RYR1: variants seen among roughly 807,000 people sequenced by gnomAD.
RYR1 encodes the protein ryanodine receptor 1.
Under a neutral mutation model 583.5 loss-of-function variants are expected in RYR1, and 342 were observed. That is an observed-to-expected ratio of 0.59 (90% CI 0.54 to 0.64). The LOEUF is 0.64. Ranked by LOEUF, RYR1 falls within the 30% of genes least tolerant of loss-of-function variation. RYR1 has a pLI of 0.00. For synonymous variants in RYR1, 2,791 were observed against 2,822.5 expected (o/e 0.99, Z 0.35); for missense variants, 6,032 against 6,917.2 (o/e 0.87, Z 4.54).
intron 94 of RYR1, 131 bp downstream of exon 94, chr19:38,570,824 G>A (rs1254401537): frequency 1.3e-6 from 1 of 791,856 alleles, no homozygotes; most frequent in African/African-American, 1.7e-5. Flanking sequence ...CGTTAGGAGG[G>A]TTCAGGCTGG....
chr19:38,502,573 C>G lies in RYR1; in HGVS notation c.7681C>G (p.Leu2561Val). 3.7e-6 allele frequency: 6 copies of G among 1,612,406 alleles called. No individual in the cohort carries two copies. The highest frequency in any genetic ancestry group is 5.1e-6 in the Non-Finnish European group (6 of 1,179,924). The change falls in exon 48 of 106, where the codon CTC becomes GTC. Residue 2561 changes from leucine to valine, a missense_variant. Leu to Val is a conservative substitution (Grantham distance 32). Around this residue, in one of 11 missense-constraint regions of RYR1, gnomAD observed 250 missense variants for 162.3 expected, o/e 1.54. Transcript: ENST00000359596. ...NRYLCLAVLP[L>V]ITKCAPLFAG... ...CTACCTGTGCCTGGCCGTGCTGCCGCTCATCACCAAGTGTGCGCCGCTCTT... is the reference window on the plus strand; with the variant it reads ...CTACCTGTGCCTGGCCGTGCTGCCGGTCATCACCAAGTGTGCGCCGCTCTT...
Position 38,572,131 on chromosome 19 carries a change from C to G in RYR1, c.13859C>G (p.Ala4620Gly), listed in dbSNP as rs1973743080. 1 of 1,613,556 alleles carries G rather than the reference C, an allele frequency of 6.2e-7. No homozygotes were observed. Among genetic ancestry groups the G allele is most frequent in the Non-Finnish European group, 8.5e-7 (1 of 1,179,926 alleles). The change falls in exon 95 of 106, where the codon GCA (alanine) becomes GGA (glycine). Residue 4620 changes from alanine to glycine, a missense_variant. By Grantham distance (60) the Ala-to-Gly change is moderately conservative. Around this residue, in one of 11 missense-constraint regions of RYR1, gnomAD observed 188 missense variants for 215.6 expected, o/e 0.87. Transcript: ENST00000359596. ...SGWGLGAGEEAEGDEDENMVY... is the reference protein window; with the variant it reads ...SGWGLGAGEEGEGDEDENMVY... ...TGGGGCTTGGGGGCCGGAGAGGAGG[C>G]AGAGGGCGATGAGGATGAGAACATG...
At chr19:38,505,216 C>T (rs893846097) in intron 52 of RYR1, 93 bp from the exon 53 acceptor site, 2 of 1,164,912 alleles carry the variant, frequency 1.7e-6, no homozygotes, top group Non-Finnish European at 2.5e-6. Flanking sequence ...TTCTGGGACC[C>T]CCCCAGGATT....
At chr19:38,470,604 G>T (rs28465366) in intron 27 of RYR1, among the ~76,000 whole-genome samples, 1 of 152,074 alleles carries the variant, frequency 6.6e-6, no homozygotes, top group African/African-American at 2.4e-5. Flanking sequence ...AATTAATGGC[G>T]TGGTGGCGGG....
In RYR1 at chr19:38,478,462, G is replaced by A. The variant is rs540264243; in HGVS notation, c.4482G>A (p.Val1494=). 3.7e-6 allele frequency: 6 copies of A among 1,614,006 alleles called. No individual in the cohort carries two copies. The South Asian group carries it at 4.4e-5, about 12-fold the overall frequency. Residue 1494 remains valine (V), a synonymous_variant, in exon 31 of 106, where the codon GTG becomes GTA. Coordinates refer to ENST00000359596, the MANE Select transcript of RYR1 (RefSeq NM_000540.3). ...SSLKCSNCYM[V]WGGDFVSPGQ... ...TCAAGTGTAGCAACTGCTACATGGT[G>A]TGGGGCGGAGACTTTGTGAGTCCCG...
In RYR1 at chr19:38,548,352, G is replaced by T. The variant is rs752929502; in HGVS notation, c.12214G>T (p.Gly4072Cys). 1 of 1,614,134 alleles carries T rather than the reference G, an allele frequency of 6.2e-7. No individual in the cohort carries two copies. Among genetic ancestry groups the T allele is most frequent in the Non-Finnish European group, 8.5e-7 (1 of 1,180,024 alleles). ...DMFLKLKDIV[G>C]SEAFQDYVTD... ...GTTCCTGAAACTCAAGGACATTGTG[G>T]GCTCTGAAGCCTTCCAGGACTACGT... The change falls in exon 89 of 106, where the codon GGC becomes TGC. Residue 4072 changes from glycine (G) to cysteine (C), a missense_variant. By Grantham distance (159) the Gly-to-Cys change is radical. Transcript: ENST00000359596.
intron 16 of RYR1, among the ~76,000 whole-genome samples, chr19:38,456,618 A>G (rs1429147133): frequency 6.6e-6 from 1 of 152,036 alleles, no homozygotes; most frequent in Non-Finnish European, 1.5e-5. Flanking sequence ...TTCAAATATT[A>G]CAGCCTCTAG....
intron 89 of RYR1, among the ~76,000 whole-genome samples, chr19:38,560,166 C>T (rs1363869922): frequency 6.6e-6 from 1 of 151,986 alleles, no homozygotes; most frequent in Non-Finnish European, 1.5e-5. Flanking sequence ...GAGTTTGGGA[C>T]AAGCCTGGGC....
intron 3 of RYR1, among the ~76,000 whole-genome samples, 198 bp downstream of exon 3, chr19:38,442,651 C>T (rs1217826895): frequency 6.6e-6 from 1 of 152,128 alleles, no homozygotes; most frequent in Admixed American, 6.5e-5. Flanking sequence ...TGTCACCTGT[C>T]CTTCCACCCC....
At position 38,505,015 on chromosome 19, in the gene RYR1, G is replaced by A. The variant is rs749048565; in HGVS notation, c.8244G>A (p.Pro2748=). The A allele has an allele frequency of 9.9e-6, 16 of 1,614,002 alleles. No homozygotes were observed. Among genetic ancestry groups the A allele is most frequent in the Middle Eastern group, 1.6e-4 (1 of 6,084 alleles). The change falls in exon 52 of 106, where the codon CCG becomes CCA. Residue 2748 remains proline (P), a synonymous_variant. Coordinates refer to ENST00000359596, the MANE Select transcript of RYR1 (RefSeq NM_000540.3). ...RPVETLNVII[P]EKLDSFINKF... ...GTGCCCCCAACAGTGTGATCATCCC[G>A]GAGAAGCTGGACTCCTTCATTAACA...
At chr19:38,522,190 A>G (rs1384043283) in intron 67 of RYR1, among the ~76,000 whole-genome samples, 2 of 152,074 alleles carry the variant, frequency 1.3e-5, no homozygotes, top group African/African-American at 4.8e-5. Flanking sequence ...CACCAGGTTG[A>G]TATTTCTTAA....
chr19:38,504,667 T>C (rs1970357081), intron 50 of RYR1, 81 bp from the exon 51 acceptor site: 2 of 1,568,742 alleles, frequency 1.3e-6, no homozygotes, highest in Admixed American at 3.3e-5. Context: ...GGGCTGATGA[T>C]TGCAGTGTGT....
Position 38,440,802 on chromosome 19 carries a change from T to C in RYR1, c.103T>C (p.Cys35Arg), listed in dbSNP as rs193922747. Residue 35 changes from cysteine to arginine, a missense_variant, in exon 2 of 106, where the codon TGC becomes CGC. Physicochemically the swap from Cys to Arg is radical, Grantham distance 180 (BLOSUM62 -3). Around this residue, in one of 11 missense-constraint regions of RYR1, gnomAD observed 71 missense variants for 75.3 expected, o/e 0.94. Coordinates refer to ENST00000359596, the MANE Select transcript of RYR1 (RefSeq NM_000540.3). ...CGTGCTCAAGGAGCAGCTCAAGCTC[T>C]GCCTGGCCGCCGAGGGCTTCGGCAA... is the stretch of plus-strand genomic sequence containing the variant. The part of the protein sequence containing the change: ...ATVLKEQLKL[C>R]LAAEGFGNRL... 3 of 1,609,172 alleles carry C rather than the reference T, an allele frequency of 1.9e-6. No individual in the cohort carries two copies. The highest frequency in any genetic ancestry group is 2.5e-6 in the Non-Finnish European group (3 of 1,178,700).
rs1400660602 is a variant in RYR1, at chr19:38,468,832, C to T, written c.3382-134C>T. On this transcript the variant is annotated intron_variant, in intron 25 of 105. Transcript: ENST00000359596. ...AAGATGGAGACACTGTGGGGTGACC[C>T]CTCTTCCATACCACCTGCCCTGAAC... The T allele has an allele frequency of 4.5e-5, 40 of 879,340 alleles. No homozygotes were observed. The East Asian group carries it at 9.8e-4, about 21-fold the overall frequency. The allele number at this position is 879,340 out of a possible 1,614,324, so 54.5% of individuals were successfully genotyped here. A position where few individuals can be genotyped will look rare whatever the true frequency, so the allele number is the denominator to read the frequency against.
chr19:38,504,956 G>A, intron 51 of RYR1, 45 bp downstream of exon 51: 1 of 1,613,788 alleles, frequency 6.2e-7, no homozygotes, highest in Non-Finnish European at 8.5e-7. Flanking sequence ...TTTCAGGGGT[G>A]GAGGGAACCC....
chr19:38,527,858 T>C, intron 73 of RYR1, 74 bp downstream of exon 73: 1 of 1,539,444 alleles, frequency 6.5e-7, no homozygotes, highest in East Asian at 2.3e-5. Context: ...TTCAAGGATG[T>C]GGGTGGGGTC....
At chr19:38,569,125 C>T (rs1319879299) in intron 93 of RYR1, among the ~76,000 whole-genome samples, 2 of 152,088 alleles carry the variant, frequency 1.3e-5, no homozygotes, top group Non-Finnish European at 2.9e-5. Flanking sequence ...ATTCTCCTGC[C>T]TCAGCCTCCC....
intron 70 of RYR1, among the ~76,000 whole-genome samples, chr19:38,525,059 A>G (rs1971405856): frequency 6.6e-6 from 1 of 152,176 alleles, no homozygotes; most frequent in Admixed American, 6.5e-5. Flanking sequence ...CCTGGGCAAC[A>G]TGGCAAGACA....
intron 37 of RYR1, 79 bp downstream of exon 37, chr19:38,490,811 T>G: frequency 2.3e-6 from 2 of 888,202 alleles, no homozygotes; most frequent in South Asian, 2.7e-5. Flanking sequence ...TAAGATTTCC[T>G]GACAACCCTC....
Sources: gnomAD v4.1 joint callset for allele counts (sites outside exome capture counted in the v4.1 genomes callset) on GRCh38, gnomAD v4.1.1 for gene constraint, gnomAD v4.1.1 regional missense constraint, MANE v1.5 for transcripts, NCBI Gene and HGNC (gene_info 2026-07-23, HGNC 2026-07-21) for gene names.